SEMA4B: variants seen among roughly 807,000 people sequenced by gnomAD.
SEMA4B encodes the protein semaphorin-4B.
SEMA4B carries 55 observed loss-of-function variants against 88.1 expected under a neutral mutation model. The ratio of observed to expected loss-of-function variants is 0.62; its 90% CI spans 0.50 to 0.78. The LOEUF is 0.78. SEMA4B is among the 30% of genes least tolerant of loss of function. SEMA4B has a pLI of 0.00. For missense variants in SEMA4B, 1,062 were observed against 1,111.9 expected, an observed-to-expected ratio of 0.96 and a Z score of 0.64; for synonymous variants, 525 against 473.6, an observed-to-expected ratio of 1.11 and a Z score of -1.41.
At position 90,225,806 on chromosome 15, in the gene SEMA4B, A is replaced by G. The variant is rs775985225; in HGVS notation, c.1667A>G (p.Tyr556Cys). ...SGSSCKHVSL[Y>C]QPQLATRPWI... ...TCCAGCTGCAAGCACGTCAGCCTCT[A>G]CCAGCCTCAGCTGGCCACCAGGTGA... is the stretch of plus-strand genomic sequence containing the variant. Residue 556 changes from tyrosine (Y) to cysteine (C), a missense_variant, in exon 12 of 14, where the codon TAC becomes TGC. Physicochemically the swap from Tyr to Cys is radical, Grantham distance 194 (BLOSUM62 -2). Transcript: ENST00000411539. 2.6e-6 allele frequency: 4 copies of G among 1,546,424 alleles called. No individual in the cohort carries two copies. In the African/African-American group the frequency reaches 4.1e-5, roughly 16 times the overall value.
chr15:90,209,554 A>C (rs962118351), intron 1 of SEMA4B, among the ~76,000 whole-genome samples: 1 of 152,066 alleles, frequency 6.6e-6, no homozygotes, highest in East Asian at 1.9e-4. Context: ...TGGGCGACAG[A>C]GCAAGACTGT....
chr15:90,214,258 C>T (rs181795155), intron 1 of SEMA4B, among the ~76,000 whole-genome samples: 1 of 150,092 alleles, frequency 6.7e-6, no homozygotes, highest in African/African-American at 2.5e-5. Context: ...GCAGGAGAAT[C>T]GCTTGAACCT....
chr15:90,211,747 G>A (rs1961276441), intron 1 of SEMA4B, among the ~76,000 whole-genome samples: 1 of 152,152 alleles, frequency 6.6e-6, no homozygotes, highest in African/African-American at 2.4e-5. Context: ...GCTCTCTGGG[G>A]ACTTGTCCCG....
chr15:90,211,118 A>G (rs1961245112), intron 1 of SEMA4B, among the ~76,000 whole-genome samples: 1 of 152,176 alleles, frequency 6.6e-6, no homozygotes, highest in South Asian at 2.1e-4. Context: ...AGGCCCTAGA[A>G]GCCGGGTTGT....
upstream of SEMA4B, among the ~76,000 whole-genome samples, chr15:90,199,805 A>G (rs1960637622): frequency 6.6e-6 from 1 of 152,014 alleles, no homozygotes; most frequent in Admixed American, 6.6e-5. Flanking sequence ...CAGCCTGGGC[A>G]AAAGAGCAAG....
chr15:90,214,975 A>G, intron 1 of SEMA4B: 1 of 1,277,382 alleles, frequency 7.8e-7, no homozygotes, highest in Non-Finnish European at 1.0e-6. Flanking sequence ...GTAAACACAC[A>G]TGAAGTCATC....
At chr15:90,209,455 C>T (rs530255481) in intron 1 of SEMA4B, among the ~76,000 whole-genome samples, 1 of 152,094 alleles carries the variant, frequency 6.6e-6, no homozygotes, top group South Asian at 2.1e-4. Context: ...ATTCCGGCTA[C>T]TCAGGAGGCT....
chr15:90,219,988 C>T (rs1275360003), intron 4 of SEMA4B, 97 bp downstream of exon 4: 134 of 934,814 alleles, frequency 1.4e-4, no homozygotes, highest in Non-Finnish European at 1.4e-5. Flanking sequence ...TGAGGAAAGG[C>T]AGGGCCCAGA....
chr15:90,210,180 G>A (rs919848986), intron 1 of SEMA4B, among the ~76,000 whole-genome samples: 1 of 152,208 alleles, frequency 6.6e-6, no homozygotes, highest in Non-Finnish European at 1.5e-5. Flanking sequence ...AGGATGGTGA[G>A]ACACCCAGGT....
intron 3 of SEMA4B, 69 bp from the exon 4 acceptor site, chr15:90,219,724 G>T (rs1961708041): frequency 4.0e-6 from 5 of 1,255,084 alleles, no homozygotes; most frequent in African/African-American, 3.0e-5. Context: ...GTGGAAGGGG[G>T]GGCTCGGCGG....
At chr15:90,210,796 GGCTGGCACT>G (rs1315419761) in intron 1 of SEMA4B, among the ~76,000 whole-genome samples, 1 of 152,142 alleles carries the variant, frequency 6.6e-6, no homozygotes, top group Non-Finnish European at 1.5e-5. Flanking sequence ...CTCTTGGCAG[GGCTGGCACT>G]GCTGAACGTG....
rs768125221 is a variant in SEMA4B, at chr15:90,228,230, C to T, written c.2101C>T (p.Pro701Ser). Residue 701 changes from proline (P) to serine (S), a missense_variant, in exon 14 of 14, where the codon CCA becomes TCA. Pro to Ser is a moderately conservative substitution (Grantham distance 74). Transcript: ENST00000411539. ...TATCAGCACATCGCGTGTGAGTGCACCAGCTGGTGGCAAGGCCAGCTGGGG... is the reference window on the plus strand; with the variant it reads ...TATCAGCACATCGCGTGTGAGTGCATCAGCTGGTGGCAAGGCCAGCTGGGG... Reference protein sequence around the residue: ...VIISTSRVSAPAGGKASWGAD... With the variant: ...VIISTSRVSASAGGKASWGAD... 14 of 1,604,078 alleles carry T rather than the reference C, an allele frequency of 8.7e-6. No homozygotes were observed. The Admixed American group carries it at 1.2e-4, about 14-fold the overall frequency.
chr15:90,220,090 G>A lies in SEMA4B; in HGVS notation c.483+199G>A, dbSNP rs560968232. The stretch of plus-strand genomic sequence containing the variant: ...CCCTGACAGCCATGTCTCCCTGTGC[G>A]GGGAGGCGGGGGCACATGCGGTCAC... On this transcript the variant is annotated intron_variant, in intron 4 of 13. Transcript: ENST00000411539. 1.5e-3 allele frequency: 796 copies of A among 536,480 alleles called. 6 individuals are homozygous for A. The highest frequency in any genetic ancestry group is 0.014 in the African/African-American group (715 of 52,112). The allele number at this position is 536,480 out of a possible 1,614,324, so 33.2% of individuals were successfully genotyped here.
Position 90,229,423 on chromosome 15 carries a change from G to A in SEMA4B, c.*780G>A. The A allele has an allele frequency of 2.2e-6, 1 of 456,418 alleles. No homozygotes were observed. Among genetic ancestry groups the A allele is most frequent in the Non-Finnish European group, 4.4e-6 (1 of 226,904 alleles). 28.3% of individuals were successfully genotyped at this position (456,418 alleles called of 1,614,324 possible). A position where few individuals can be genotyped will look rare whatever the true frequency, so the allele number is the denominator to read the frequency against. ...CCTCCGTTGTTGCGTGAGAACCCGTGTGCCCCTTCCCACCATATCCACCCT... is the reference window on the plus strand; with the variant it reads ...CCTCCGTTGTTGCGTGAGAACCCGTATGCCCCTTCCCACCATATCCACCCT... On this transcript the variant is annotated 3_prime_UTR_variant, in exon 14 of 14. Coordinates refer to ENST00000411539, the MANE Select transcript of SEMA4B (RefSeq NM_198925.4).
intron 7 of SEMA4B, among the ~76,000 whole-genome samples, chr15:90,223,028 C>T (rs918508533): frequency 6.1e-5 from 9 of 147,558 alleles, no homozygotes; most frequent in African/African-American, 1.3e-4. Flanking sequence ...TGGTGTGCAG[C>T]GGTGAGATTT....
At chr15:90,215,014 A>C (rs1293479188) in intron 1 of SEMA4B, 1 of 1,258,858 alleles carries the variant, frequency 7.9e-7, no homozygotes, top group Non-Finnish European at 1.0e-6. Flanking sequence ...GGCGTGTTGC[A>C]CTTTTTGCTT....
chr15:90,195,935 TTTC>T (rs1462517521), intron 1 of SEMA4B, among the ~76,000 whole-genome samples: 8 of 129,266 alleles, frequency 6.2e-5, no homozygotes, highest in African/African-American at 1.6e-4. Flanking sequence ...TTTTTTTTTT[TTTC>T]GAGACGGAGT....
rs1962237726 is a variant in SEMA4B, at chr15:90,227,596, C to A, written c.1728C>A (p.Asp576Glu). The A allele has an allele frequency of 1.2e-6, 2 of 1,613,906 alleles. No homozygotes were observed. Among genetic ancestry groups the A allele is most frequent in the Non-Finnish European group, 1.7e-6 (2 of 1,179,894 alleles). The change falls in exon 13 of 14, where the codon GAC becomes GAA. Residue 576 changes from aspartate (D) to glutamate (E), a missense_variant. Physicochemically the swap from Asp to Glu is conservative, Grantham distance 45. Transcript: ENST00000411539. ...ACATCGAGGGAGCCAGCGCCAAGGA[C>A]CTTTGCAGCGCGTCTTCGGTTGTGT... ...IQDIEGASAK[D>E]LCSASSVVSP...
intron 1 of SEMA4B, among the ~76,000 whole-genome samples, chr15:90,208,680 G>C (rs1446079620): frequency 6.6e-6 from 1 of 152,048 alleles, no homozygotes; most frequent in Non-Finnish European, 1.5e-5. Context: ...CGTGAAGCTT[G>C]TTTCTTGTCT....
Sources: allele counts gnomAD v4.1 joint callset (sites outside exome capture counted in the v4.1 genomes callset), GRCh38; gene constraint gnomAD v4.1.1; transcripts MANE v1.5; gene names NCBI Gene and HGNC (gene_info 2026-07-23, HGNC 2026-07-21).